DGKH: variants seen among roughly 807,000 people sequenced by gnomAD.
The protein encoded by DGKH is diacylglycerol kinase eta, also known as DAG kinase eta.
DGKH carries 90 observed loss-of-function variants against 159.3 expected under a neutral mutation model. That is an observed-to-expected ratio of 0.57 (90% CI 0.48 to 0.67). The LOEUF (loss-of-function observed/expected upper bound fraction) is 0.67, where lower values mean the gene tolerates loss of function less well. Ranked by LOEUF, DGKH falls within the 30% of genes least tolerant of loss-of-function variation. The probability of loss-of-function intolerance (pLI) is 0.00; values close to 1 mark genes in which losing one functional copy is unlikely to be tolerated. For missense variants in DGKH, 1,181 were observed against 1,506.1 expected (o/e 0.78, Z 3.57); for synonymous variants, 536 against 553.8 (o/e 0.97, Z 0.45).
intron 20 of DGKH, among the ~76,000 whole-genome samples, chr13:42,200,327 A>G (rs977689669): frequency 2.6e-5 from 4 of 152,202 alleles, no homozygotes; most frequent in African/African-American, 7.2e-5. Context: ...TTTTGCTCCA[A>G]TTATTTCTAA....
At chr13:42,142,231 C>T (rs1017024251) in intron 3 of DGKH, among the ~76,000 whole-genome samples, 3 of 152,190 alleles carry the variant, frequency 2.0e-5, no homozygotes, top group Admixed American at 6.5e-5. Flanking sequence ...TTTCTGAGGG[C>T]TCTATTCTGT....
At chr13:42,123,121 C>G (rs2137830112) in intron 1 of DGKH, among the ~76,000 whole-genome samples, 1 of 152,272 alleles carries the variant, frequency 6.6e-6, no homozygotes, top group East Asian at 1.9e-4. Flanking sequence ...TACATATTAG[C>G]TACATTAAGT....
At chr13:42,175,021 T>C (rs776902339) in intron 12 of DGKH, among the ~76,000 whole-genome samples, 21 of 152,336 alleles carry the variant, frequency 1.4e-4, no homozygotes, top group Non-Finnish European at 2.5e-4. Flanking sequence ...CAAAGCGGTG[T>C]AGATTTAAAA....
At position 42,156,668 on chromosome 13, in the gene DGKH, T is replaced by C. The variant is rs578245291; in HGVS notation, c.622+869T>C. Among the ~76,000 whole-genome samples the C allele has an allele frequency of 2.0e-5, 3 of 152,330 alleles. No homozygotes were observed. The East Asian group carries it at 5.8e-4, about 29-fold the overall frequency. ...ATACTACTTTTTGAACTATATATGATAATAATAATACCAGCTTTTTTTCTC... is the reference window on the plus strand; with the variant it reads ...ATACTACTTTTTGAACTATATATGACAATAATAATACCAGCTTTTTTTCTC... On this transcript the variant is annotated intron_variant, in intron 5 of 29. Coordinates refer to ENST00000337343, the MANE Select transcript of DGKH (RefSeq NM_178009.5).
chr13:42,206,975 T>TTTTCTTTCTTTCTTTC (rs748683859), intron 21 of DGKH, among the ~76,000 whole-genome samples: 4,677 of 81,994 alleles, frequency 0.057, 336 homozygotes, highest in East Asian at 0.063. Flanking sequence ...TACTTTTACT[T>TTTTCTTTCTTTCTTTC]TTTCTTTCTT....
intron 29 of DGKH, among the ~76,000 whole-genome samples, chr13:42,222,397 A>G (rs747948262): frequency 1.3e-5 from 2 of 152,220 alleles, no homozygotes; most frequent in Non-Finnish European, 2.9e-5. Flanking sequence ...AAAGATCTTT[A>G]TTAAACAGAT....
chr13:42,129,510 G>A (rs1955244397), intron 2 of DGKH, 42 bp from the exon 3 acceptor site: 1 of 1,515,840 alleles, frequency 6.6e-7, no homozygotes. Flanking sequence ...CATTGAGTTA[G>A]GTTTTCTTCT....
At chr13:42,187,687 A>T (rs1255853303) in intron 14 of DGKH, among the ~76,000 whole-genome samples, 1 of 152,070 alleles carries the variant, frequency 6.6e-6, no homozygotes, top group Non-Finnish European at 1.5e-5. Context: ...TGATTGACTG[A>T]AGGGGAGATG....
At chr13:42,185,778 T>A (rs553815213) in intron 13 of DGKH, among the ~76,000 whole-genome samples, 1 of 152,286 alleles carries the variant, frequency 6.6e-6, no homozygotes, top group South Asian at 2.1e-4. Flanking sequence ...ATGAAGTACA[T>A]GAATGCATGT....
intron 13 of DGKH, among the ~76,000 whole-genome samples, chr13:42,182,160 G>A (rs1040362995): frequency 6.6e-6 from 1 of 152,228 alleles, no homozygotes; most frequent in East Asian, 1.9e-4. Flanking sequence ...GGCCAGAGGG[G>A]CCATGCTGGA....
chr13:42,245,297 A>G (rs867240488), downstream of DGKH, among the ~76,000 whole-genome samples: 72 of 152,212 alleles, frequency 4.7e-4, no homozygotes, highest in African/African-American at 1.5e-3. Flanking sequence ...TGTGAACTCC[A>G]TGAGGGAAAG....
At chr13:42,154,604 T>C (rs952226009) in intron 3 of DGKH, among the ~76,000 whole-genome samples, 1 of 152,168 alleles carries the variant, frequency 6.6e-6, no homozygotes. Context: ...TAATTCTTTG[T>C]CCCTGCTCTC....
intron 1 of DGKH, among the ~76,000 whole-genome samples, chr13:42,084,904 C>A (rs1158122519): frequency 6.7e-6 from 1 of 148,528 alleles, no homozygotes; most frequent in Non-Finnish European, 1.5e-5. Context: ...TGAAAAGTTT[C>A]ATAATGATTG....
intron 3 of DGKH, among the ~76,000 whole-genome samples, chr13:42,146,898 C>T (rs962299166): frequency 1.3e-5 from 2 of 151,954 alleles, no homozygotes; most frequent in African/African-American, 4.8e-5. Flanking sequence ...ATGTTTATTG[C>T]CTATTCAGAA....
intron 1 of DGKH, among the ~76,000 whole-genome samples, chr13:42,105,569 A>G (rs1413894547): frequency 6.6e-6 from 1 of 152,144 alleles, no homozygotes; most frequent in Non-Finnish European, 1.5e-5. Context: ...TGATTCTGCT[A>G]CTTTGATGTG....
At chr13:42,246,596 C>T (rs41518346), downstream of DGKH, among the ~76,000 whole-genome samples, 1,135 of 152,254 alleles carry the variant, frequency 7.5e-3, 13 homozygotes, top group African/African-American at 0.025. Flanking sequence ...CTTCTGGCAA[C>T]GACATTTTGG....
At chr13:42,171,761 G>C in intron 11 of DGKH, among the ~76,000 whole-genome samples, 1 of 151,876 alleles carries the variant, frequency 6.6e-6, no homozygotes, top group Non-Finnish European at 1.5e-5. Flanking sequence ...CTGTGACTTT[G>C]AGATGCTCAA....
At chr13:42,164,169 C>A (rs117307715) in intron 7 of DGKH, among the ~76,000 whole-genome samples, 1,747 of 152,172 alleles carry the variant, frequency 0.011, 28 homozygotes, top group South Asian at 0.077. Flanking sequence ...GCCCTATAAA[C>A]CTAATGAATC....
At chr13:42,057,151 T>C (rs1881824501) in intron 1 of DGKH, among the ~76,000 whole-genome samples, 1 of 147,746 alleles carries the variant, frequency 6.8e-6, no homozygotes, top group South Asian at 2.2e-4. Flanking sequence ...TCAAATAGGT[T>C]TTCAAAGAAA....
Sources: gnomAD v4.1 joint callset for allele counts (sites outside exome capture counted in the v4.1 genomes callset) on GRCh38, gnomAD v4.1.1 for gene constraint, MANE v1.5 for transcripts, NCBI Gene and HGNC (gene_info 2026-07-23, HGNC 2026-07-21) for gene names.